The following SAXO4 variants were observed in gnomAD, a reference collection of about 807,000 sequenced individuals.
SAXO4 encodes stabilizer of axonemal microtubules 4, also known as protein phosphatase 1 regulatory subunit 32.
the SAXO4 span, chr11:61,485,757 G>A: frequency 1.4e-6 from 2 of 1,469,520 alleles, no homozygotes; most frequent in Non-Finnish European, 9.5e-7. Flanking sequence ...ACACATGGGT[G>A]GGCCAGGTGG....
the SAXO4 span, chr11:61,481,710 G>A: frequency 3.3e-6 from 2 of 598,510 alleles, no homozygotes; most frequent in South Asian, 2.5e-5. Flanking sequence ...GGTGGTGGGG[G>A]GCAGATCTTC....
the SAXO4 span, chr11:61,482,663 C>A: frequency 6.2e-7 from 1 of 1,614,044 alleles, no homozygotes; most frequent in Non-Finnish European, 8.5e-7. Flanking sequence ...AGGGAACAAG[C>A]CCAGGACCAT....
the SAXO4 span, chr11:61,490,689 G>T: frequency 1.9e-6 from 2 of 1,030,436 alleles, no homozygotes; most frequent in African/African-American, 1.6e-5. Flanking sequence ...CCTGCCTGGG[G>T]ACCCCCCTTC....
chr11:61,490,311 T>C, the SAXO4 span, among the ~76,000 whole-genome samples: 1 of 152,184 alleles, frequency 6.6e-6, no homozygotes, highest in Non-Finnish European at 1.5e-5. Flanking sequence ...TTCTGCTCAA[T>C]TCAATTCCTC....
chr11:61,489,919 T>C, the SAXO4 span: 1 of 1,612,342 alleles, frequency 6.2e-7, no homozygotes, highest in Non-Finnish European at 8.5e-7. Context: ...ATGGAGAGCC[T>C]GCGGCACCTG....
the SAXO4 span, chr11:61,485,920 G>T: frequency 3.1e-6 from 5 of 1,596,944 alleles, no homozygotes; most frequent in Non-Finnish European, 3.4e-6. Context: ...CTGTAAGTCG[G>T]CTGGGCTCCT....
At chr11:61,486,373 G>A in the SAXO4 span, 2 of 1,614,044 alleles carry the variant, frequency 1.2e-6, no homozygotes, top group Non-Finnish European at 1.7e-6. Flanking sequence ...GTGTCACCAA[G>A]TCAGACTTCC....
chr11:61,482,568 T>C, the SAXO4 span: 2 of 1,598,476 alleles, frequency 1.3e-6, no homozygotes, highest in Non-Finnish European at 1.7e-6. Context: ...CTCTGAGCCA[T>C]CTGTGGGAGG....
the SAXO4 span, chr11:61,490,576 G>C: frequency 6.2e-7 from 1 of 1,613,278 alleles, no homozygotes; most frequent in Non-Finnish European, 8.5e-7. Flanking sequence ...GCTGAGCCCT[G>C]AGCCCTTGGT....
chr11:61,486,855 C>T, the SAXO4 span: 3 of 1,108,640 alleles, frequency 2.7e-6, no homozygotes, highest in South Asian at 1.3e-5. Flanking sequence ...GGACAGGTCA[C>T]AGCTGTGTGT....
chr11:61,486,204 C>T, the SAXO4 span: 2 of 856,112 alleles, frequency 2.3e-6, no homozygotes, highest in Admixed American at 2.6e-5. Flanking sequence ...CAAACACTTC[C>T]CTTTTCTCAG....
At chr11:61,484,705 C>A in the SAXO4 span, 2 of 1,613,686 alleles carry the variant, frequency 1.2e-6, no homozygotes, top group Non-Finnish European at 1.7e-6. Context: ...AGGTCCATTT[C>A]GACACCCAGG....
the SAXO4 span, among the ~76,000 whole-genome samples, chr11:61,485,011 G>A: frequency 6.6e-6 from 1 of 152,154 alleles, no homozygotes; most frequent in Admixed American, 6.5e-5. Flanking sequence ...GTGGCTTCTC[G>A]CGATTTAACG....
chr11:61,481,798 C>G, the SAXO4 span: 1 of 1,483,246 alleles, frequency 6.7e-7, no homozygotes, highest in Non-Finnish European at 8.9e-7. Flanking sequence ...TGGGGCCCTG[C>G]CCCACAGCAT....
At chr11:61,482,519 C>A in the SAXO4 span, 1 of 1,561,510 alleles carries the variant, frequency 6.4e-7, no homozygotes, top group Non-Finnish European at 8.8e-7. Flanking sequence ...TTTGCCTGCC[C>A]TAGGCTGGGG....
At chr11:61,481,526 A>G in the SAXO4 span, among the ~76,000 whole-genome samples, 1 of 152,130 alleles carries the variant, frequency 6.6e-6, no homozygotes, top group African/African-American at 2.4e-5. Flanking sequence ...TTGGAACCTC[A>G]CTGTCCCAGT....
chr11:61,488,443 T>C, the SAXO4 span, among the ~76,000 whole-genome samples: 2 of 151,904 alleles, frequency 1.3e-5, no homozygotes. Flanking sequence ...TAGCTGGGAC[T>C]ACAGGCGCCT....
the SAXO4 span, chr11:61,482,279 T>C: frequency 6.3e-7 from 1 of 1,597,984 alleles, no homozygotes; most frequent in Non-Finnish European, 8.6e-7. Flanking sequence ...TTTTTGACCT[T>C]GGGGTCTGTC....
chr11:61,488,456 C>T, the SAXO4 span, among the ~76,000 whole-genome samples: 1 of 152,072 alleles, frequency 6.6e-6, no homozygotes, highest in Admixed American at 6.6e-5. Flanking sequence ...AGGCGCCTGC[C>T]ACCACGCCCG....
Sources: gnomAD v4.1 joint callset for allele counts (sites outside exome capture counted in the v4.1 genomes callset) on GRCh38, gnomAD v4.1.1 for gene constraint, MANE v1.5 for transcripts, NCBI Gene and HGNC (gene_info 2026-07-23, HGNC 2026-07-21) for gene names.